Variants in KCNN3 observed in about 807,000 individuals in gnomAD.
KCNN3 encodes potassium calcium-activated channel subfamily N member 3, also known as small conductance calcium-activated potassium channel protein 3.
KCNN3 carries 16 observed loss-of-function variants against 62.9 expected under a neutral mutation model. That is an observed-to-expected ratio of 0.25 (90% confidence interval 0.17 to 0.39). The LOEUF (loss-of-function observed/expected upper bound fraction) is 0.39. Ranked by LOEUF, KCNN3 falls within the 10% of genes least tolerant of loss-of-function variation. KCNN3 has a pLI of 1.00. For missense variants in KCNN3, 599 were observed against 949.4 expected, an observed-to-expected ratio of 0.63 and a Z score of 4.85; for synonymous variants, 370 against 389.2, an observed-to-expected ratio of 0.95 and a Z score of 0.58.
At chr1:154,863,744 C>G (rs1652854776) in intron 1 of KCNN3, among the ~76,000 whole-genome samples, 1 of 152,208 alleles carries the variant, frequency 6.6e-6, no homozygotes. Flanking sequence ...GAGGCATCAG[C>G]CGCCTTTCTA....
At chr1:154,775,511 G>GTTCA (rs1157558361) in intron 2 of KCNN3, among the ~76,000 whole-genome samples, 12 of 152,190 alleles carry the variant, frequency 7.9e-5, no homozygotes, top group South Asian at 2.1e-4. Flanking sequence ...AGGATCATTT[G>GTTCA]TTCATTCATT....
At chr1:154,734,817 C>A (rs1700676120) in intron 3 of KCNN3, among the ~76,000 whole-genome samples, 1 of 152,230 alleles carries the variant, frequency 6.6e-6, no homozygotes, top group African/African-American at 2.4e-5. Context: ...AGGTAAGCAG[C>A]AGGAGGCACG....
intron 2 of KCNN3, among the ~76,000 whole-genome samples, chr1:154,793,433 G>C (rs1571281861): frequency 6.6e-6 from 1 of 152,162 alleles, no homozygotes; most frequent in East Asian, 1.9e-4. Flanking sequence ...GCATGGGAGG[G>C]TGGCAGACCC....
intron 3 of KCNN3, among the ~76,000 whole-genome samples, chr1:154,747,429 G>A (rs1391628341): frequency 6.6e-6 from 1 of 152,136 alleles, no homozygotes; most frequent in Non-Finnish European, 1.5e-5. Flanking sequence ...TCTGCACAGC[G>A]ACACACTGGG....
At position 154,869,254 on chromosome 1, in the gene KCNN3, A is replaced by T; in HGVS notation, c.711T>A (p.Pro237=). The part of the protein sequence containing the change: ...NHAHQTLLHH[P]NATHNHQHAG... ...CATGCTGGTGGTTGTGGGTGGCATT[A>T]GGGTGATGGAGCAGGGTCTGGTGGG... The change falls in exon 1 of 8, where the codon CCT becomes CCA. Residue 237 remains proline (P), a synonymous_variant. Transcript: ENST00000271915. The surrounding 1 kb of genome is among the most constrained non-coding windows in gnomAD (Gnocchi z 6.1). 6.2e-7 allele frequency: 1 copy of T among 1,613,346 alleles called. No homozygotes were observed. Among genetic ancestry groups the T allele is most frequent in the South Asian group, 1.1e-5 (1 of 91,044 alleles).
chr1:154,748,270 G>A (rs145277647), intron 3 of KCNN3, among the ~76,000 whole-genome samples: 421 of 152,078 alleles, frequency 2.8e-3, no homozygotes, highest in Non-Finnish European at 4.5e-3. Flanking sequence ...CCACCCGCCC[G>A]GGGCCCTCAG....
rs1653130582 is a variant in KCNN3, at chr1:154,870,246, G to A, written c.-282C>T. On this transcript the variant is annotated 5_prime_UTR_variant, in exon 1 of 8. Coordinates refer to ENST00000271915, the MANE Select transcript of KCNN3 (RefSeq NM_002249.6). Reference sequence around the variant, plus strand: ...AGGAGGTGGTCCTCTAGGAGCGTGTGAGGCCAGGCTCAGCTTCACTCCTCG... The same window carrying A: ...AGGAGGTGGTCCTCTAGGAGCGTGTAAGGCCAGGCTCAGCTTCACTCCTCG... 1.6e-6 allele frequency: 1 copy of A among 617,734 alleles called. No individual in the cohort carries two copies. Among genetic ancestry groups the A allele is most frequent in the Non-Finnish European group, 3.0e-6 (1 of 331,580 alleles). The allele number at this position is 617,734 out of a possible 1,614,324, so 38.3% of individuals were successfully genotyped here.
intron 2 of KCNN3, among the ~76,000 whole-genome samples, chr1:154,816,567 G>GA (rs1189771864): frequency 2.0e-5 from 3 of 152,158 alleles, no homozygotes; most frequent in South Asian, 2.1e-4. Flanking sequence ...CTCCGGATGT[G>GA]AATGTGTCTG....
chr1:154,776,152 G>A (rs1479057679), intron 2 of KCNN3, among the ~76,000 whole-genome samples: 2 of 152,168 alleles, frequency 1.3e-5, no homozygotes, highest in Non-Finnish European at 1.5e-5. Flanking sequence ...TGGGGTAGTG[G>A]AGCTGGAGGT....
intron 3 of KCNN3, among the ~76,000 whole-genome samples, chr1:154,754,181 T>C (rs1221757033): frequency 1.3e-5 from 2 of 151,990 alleles, no homozygotes; most frequent in African/African-American, 4.8e-5. Flanking sequence ...GAGGGAGCAA[T>C]TGAAGGTTTT....
chr1:154,818,792 G>A (rs1650773824), intron 2 of KCNN3, among the ~76,000 whole-genome samples: 1 of 152,344 alleles, frequency 6.6e-6, no homozygotes, highest in Non-Finnish European at 1.5e-5. Context: ...TTACCCAACA[G>A]TGTTTTAGAA....
intron 2 of KCNN3, among the ~76,000 whole-genome samples, chr1:154,789,288 G>A (rs762505363): frequency 1.3e-5 from 2 of 151,992 alleles, no homozygotes; most frequent in Non-Finnish European, 2.9e-5. Context: ...TTGTGATTAC[G>A]TTTAGATCCC....
chr1:154,779,732 G>A (rs1648942652), intron 2 of KCNN3, among the ~76,000 whole-genome samples: 1 of 152,186 alleles, frequency 6.6e-6, no homozygotes, highest in South Asian at 2.1e-4. Flanking sequence ...CAAATGCTGA[G>A]GGTAAATGGA....
At chr1:154,712,052 GAC>G (rs1227293186) in intron 7 of KCNN3, among the ~76,000 whole-genome samples, 9 of 151,894 alleles carry the variant, frequency 5.9e-5, no homozygotes, top group Non-Finnish European at 1.3e-4. Flanking sequence ...GGAAGAGAGA[GAC>G]AGGGAGAGGG....
chr1:154,731,160 G>A (rs1043716774), intron 4 of KCNN3, among the ~76,000 whole-genome samples: 1 of 152,204 alleles, frequency 6.6e-6, no homozygotes, highest in Non-Finnish European at 1.5e-5. Context: ...GAGGCACAAA[G>A]CCCCAGGAGT....
At chr1:154,807,958 G>A (rs1013226896) in intron 2 of KCNN3, among the ~76,000 whole-genome samples, 2 of 152,054 alleles carry the variant, frequency 1.3e-5, no homozygotes, top group African/African-American at 4.8e-5. Context: ...GCCCAACCCT[G>A]TACTCTAAGG....
intron 1 of KCNN3, among the ~76,000 whole-genome samples, chr1:154,829,632 C>T (rs552550277): frequency 6.8e-4 from 103 of 152,308 alleles, no homozygotes; most frequent in African/African-American, 2.4e-3. Flanking sequence ...GCCAGCTGAC[C>T]CGCATCAGGA....
intron 2 of KCNN3, among the ~76,000 whole-genome samples, chr1:154,797,562 A>G (rs1403970405): frequency 6.6e-6 from 1 of 152,164 alleles, no homozygotes; most frequent in African/African-American, 2.4e-5. Flanking sequence ...CTGAATTTAC[A>G]CGGACTTATT....
At chr1:154,840,262 C>T (rs896728966) in intron 1 of KCNN3, among the ~76,000 whole-genome samples, 2 of 152,082 alleles carry the variant, frequency 1.3e-5, no homozygotes, top group African/African-American at 4.8e-5. Context: ...GTTAGAGATT[C>T]AAAAGGCCTT....
Sources: allele counts gnomAD v4.1 joint callset (sites outside exome capture counted in the v4.1 genomes callset), GRCh38; gene constraint gnomAD v4.1.1; non-coding constraint Gnocchi (gnomAD v3.1); transcripts MANE v1.5; gene names NCBI Gene and HGNC (gene_info 2026-07-23, HGNC 2026-07-21).